MRPS5: variants seen among roughly 807,000 people sequenced by gnomAD.
MRPS5 encodes small ribosomal subunit protein uS5m.
MRPS5 carries 27 observed loss-of-function variants against 51.9 expected under a neutral mutation model. The observed-to-expected ratio is 0.52, with a 90% CI of 0.38 to 0.72. The LOEUF is 0.72. Among genes scored for constraint, MRPS5 ranks in the 30% least tolerant of loss-of-function variants. The probability of loss-of-function intolerance (pLI) is 0.00; values close to 1 mark genes in which losing one functional copy is unlikely to be tolerated. For synonymous variants in MRPS5, 196 were observed against 193.2 expected, an observed-to-expected ratio of 1.01 and a Z score of -0.12; for missense variants, 570 against 545.7, an observed-to-expected ratio of 1.04 and a Z score of -0.44.
At chr2:95,092,476 A>G (rs1050268353) in intron 10 of MRPS5, 52 of 152,208 alleles carry the variant, frequency 3.4e-4, no homozygotes, top group African/African-American at 1.2e-3. Context: ...TCTCCTACAG[A>G]ACTAGTAACA....
Position 95,086,217 on chromosome 2 carries a change from C to G in MRPS5, c.*1140G>C, listed in dbSNP as rs1168540863. 6.6e-6 allele frequency among the ~76,000 whole-genome samples: 1 copy of G among 152,064 alleles called. No individual in the cohort carries two copies. On this transcript the variant is annotated 3_prime_UTR_variant, in exon 12 of 12. Transcript: ENST00000272418. ...TTATAGGCGTGAGCCACCACACCTA[C>G]CTGATGACAAAGATTTTAAAGCAGC...
chr2:95,108,522 A>AG (rs2104418096), intron 4 of MRPS5, 114 bp from the exon 5 acceptor site: 1 of 849,156 alleles, frequency 1.2e-6, no homozygotes, highest in East Asian at 2.7e-5. Flanking sequence ...CTGGAGCTTA[A>AG]GCTAACATTA....
At chr2:95,108,080 T>G in intron 5 of MRPS5, 95 bp downstream of exon 5, 1 of 1,004,502 alleles carries the variant, frequency 1.0e-6, no homozygotes. Context: ...TGGAAAAAGG[T>G]AGTATAAACA....
At chr2:95,093,040 A>G (rs1011862262) in intron 10 of MRPS5, 1 of 152,280 alleles carries the variant, frequency 6.6e-6, no homozygotes, top group African/African-American at 2.4e-5. Flanking sequence ...CAAACGGCAC[A>G]CCAGGAGATT....
intron 7 of MRPS5, 133 bp from the exon 8 acceptor site, chr2:95,101,856 T>C (rs2104409015): frequency 1.6e-6 from 1 of 632,866 alleles, no homozygotes; most frequent in East Asian, 2.8e-5. Flanking sequence ...AGACTTGCTA[T>C]ACAAAACCAT....
At chr2:95,089,084 CAAACCAA>C (rs999532018) in intron 11 of MRPS5, among the ~76,000 whole-genome samples, 30 of 151,936 alleles carry the variant, frequency 2.0e-4, no homozygotes, top group African/African-American at 7.3e-4. Context: ...CAAAAACAAA[CAAACCAA>C]AAACCAAAAA....
intron 5 of MRPS5, 29 bp from the exon 6 acceptor site, chr2:95,106,486 G>T (rs1388737975): frequency 7.0e-6 from 11 of 1,580,778 alleles, no homozygotes; most frequent in Non-Finnish European, 9.6e-6. Flanking sequence ...CAGGGATACA[G>T]ATGAAATGTG....
intron 3 of MRPS5, among the ~76,000 whole-genome samples, chr2:95,111,198 G>A (rs1425765592): frequency 6.6e-6 from 1 of 152,114 alleles, no homozygotes; most frequent in African/African-American, 2.4e-5. Flanking sequence ...CAAAGGATTC[G>A]GCTCAACTTT....
intron 7 of MRPS5, 41 bp downstream of exon 7, chr2:95,104,598 CT>C: frequency 6.2e-7 from 1 of 1,605,256 alleles, no homozygotes; most frequent in Non-Finnish European, 8.5e-7. Flanking sequence ...ACGCCTTTCC[CT>C]GCACACCACC....
chr2:95,094,350 C>T (rs1458699579), intron 10 of MRPS5, among the ~76,000 whole-genome samples: 1 of 152,178 alleles, frequency 6.6e-6, no homozygotes, highest in East Asian at 1.9e-4. Flanking sequence ...CCTAGCAAGG[C>T]AGGCAAACAT....
At chr2:95,099,111 G>A (rs1675719238) in intron 10 of MRPS5, among the ~76,000 whole-genome samples, 1 of 151,154 alleles carries the variant, frequency 6.6e-6, no homozygotes, top group African/African-American at 2.4e-5. Flanking sequence ...GTAGAGATGG[G>A]GTTTCACCAT....
intron 8 of MRPS5, among the ~76,000 whole-genome samples, chr2:95,101,455 T>C (rs570222486): frequency 6.6e-6 from 1 of 151,824 alleles, no homozygotes; most frequent in African/African-American, 2.4e-5. Context: ...ACTTCCACAA[T>C]TGTCTCATAA....
chr2:95,090,594 G>C lies in MRPS5; in HGVS notation c.932-72C>G. 3.2e-6 allele frequency: 5 copies of C among 1,586,022 alleles called. No individual in the cohort carries two copies. The South Asian group carries it at 4.5e-5, about 14-fold the overall frequency. ...CGGAGGAGTCACCCTGCTGGCTTTCGCATGGCTTCAGGCTCTGGGCTTCGG... is the reference window on the plus strand; with the variant it reads ...CGGAGGAGTCACCCTGCTGGCTTTCCCATGGCTTCAGGCTCTGGGCTTCGG... On this transcript the variant is annotated intron_variant, in intron 10 of 11. Transcript: ENST00000272418.
Position 95,121,520 on chromosome 2 carries a change from T to A in MRPS5, c.58+214A>T, listed in dbSNP as rs548073503. 2.6e-5 allele frequency among the ~76,000 whole-genome samples: 4 copies of A among 152,162 alleles called. No homozygotes were observed. In the South Asian group the frequency reaches 8.3e-4, roughly 32 times the overall value. The stretch of plus-strand genomic sequence containing the variant: ...AGAACCCTGAAGAACGACGTCCAGT[T>A]CCCCCTCATTTTACAGACAAGAGCT... On this transcript the variant is annotated intron_variant, in intron 1 of 11. Coordinates refer to ENST00000272418, the MANE Select transcript of MRPS5 (RefSeq NM_031902.5).
At chr2:95,111,632 T>C (rs1360733717) in intron 3 of MRPS5, among the ~76,000 whole-genome samples, 4 of 152,198 alleles carry the variant, frequency 2.6e-5, no homozygotes, top group Non-Finnish European at 5.9e-5. Flanking sequence ...TTTAATACTT[T>C]TCAAATTATA....
intron 8 of MRPS5, among the ~76,000 whole-genome samples, chr2:95,101,149 C>T (rs1248206586): frequency 2.6e-5 from 4 of 151,960 alleles, no homozygotes; most frequent in East Asian, 1.9e-4. Context: ...TTTGGGAGGC[C>T]GAGGCAGGCC....
chr2:95,095,812 A>T (rs545480173), intron 10 of MRPS5, among the ~76,000 whole-genome samples: 7 of 152,324 alleles, frequency 4.6e-5, no homozygotes, highest in African/African-American at 1.7e-4. Context: ...AAGGAAGAGC[A>T]AACAAATTAA....
At chr2:95,116,222 A>C (rs1676281906) in intron 2 of MRPS5, among the ~76,000 whole-genome samples, 1 of 151,604 alleles carries the variant, frequency 6.6e-6, no homozygotes, top group African/African-American at 2.4e-5. Context: ...AATTTTCAAT[A>C]AAATATCTTA....
Position 95,100,904 on chromosome 2 carries a change from A to T in MRPS5, c.811-10T>A. 6.2e-7 allele frequency: 1 copy of T among 1,603,518 alleles called. No individual in the cohort carries two copies. Among genetic ancestry groups the T allele is most frequent in the Non-Finnish European group, 8.5e-7 (1 of 1,176,290 alleles). ...CTGCTCTGTTCTTTGCCTGAAAGGAAAATGTTTTTCTTAACTCTATTGTTG... is the reference window on the plus strand; with the variant it reads ...CTGCTCTGTTCTTTGCCTGAAAGGATAATGTTTTTCTTAACTCTATTGTTG... On this transcript the variant is annotated splice_polypyrimidine_tract_variant and intron_variant, in intron 8 of 11. Transcript: ENST00000272418.
Sources: gnomAD v4.1 joint callset for allele counts (sites outside exome capture counted in the v4.1 genomes callset) on GRCh38, gnomAD v4.1.1 for gene constraint, MANE v1.5 for transcripts, NCBI Gene and HGNC (gene_info 2026-07-23, HGNC 2026-07-21) for gene names.